The following GNB1L variants were observed in gnomAD, a reference collection of about 807,000 sequenced individuals.
GNB1L encodes G protein subunit beta 1 like, also known as guanine nucleotide-binding protein subunit beta-like protein 1.
A neutral mutation model predicts 29.1 loss-of-function variants in GNB1L; 20 were observed. The observed-to-expected ratio is 0.69, with a 90% CI of 0.48 to 1.00. GNB1L has a LOEUF of 1.00. Ranked by LOEUF, GNB1L falls within the 50% of genes least tolerant of loss-of-function variation. The pLI is 0.00. For synonymous variants in GNB1L, 193 were observed against 206.5 expected (o/e 0.93, Z 0.56); for missense variants, 421 against 464.9 (o/e 0.91, Z 0.87).
At chr22:19,842,422 T>G (rs537755596) in intron 2 of GNB1L, among the ~76,000 whole-genome samples, 49 of 152,336 alleles carry the variant, frequency 3.2e-4, no homozygotes, top group African/African-American at 1.2e-3. Flanking sequence ...CCAACAACCC[T>G]TCTCAGTCAC....
chr22:19,823,813 A>G (rs1289004033), intron 2 of GNB1L, among the ~76,000 whole-genome samples: 1 of 152,068 alleles, frequency 6.6e-6, no homozygotes, highest in Non-Finnish European at 1.5e-5. Flanking sequence ...ACACACACAC[A>G]TGCACACACA....
At chr22:19,813,268 T>C (rs1344505792) in intron 4 of GNB1L, among the ~76,000 whole-genome samples, 1 of 152,152 alleles carries the variant, frequency 6.6e-6, no homozygotes, top group East Asian at 1.9e-4. Flanking sequence ...TCTTGGTTTC[T>C]TATGCTGTTC....
rs200365592 is a variant in GNB1L, at chr22:19,851,763, C to T, written c.-21+2680G>A. The T allele has an allele frequency of 4.1e-5, 66 of 1,611,178 alleles. No individual in the cohort carries two copies. In the East Asian group the frequency reaches 1.2e-3, roughly 28 times the overall value. ...AGATCCTGGCAGAAGAGCTCGTAAT[C>T]GTCAGGCAGGGGCAGGTCCCCATCA... On this transcript the variant is annotated intron_variant, in intron 2 of 7. Coordinates refer to ENST00000329517, the MANE Select transcript of GNB1L (RefSeq NM_053004.3).
intron 7 of GNB1L, among the ~76,000 whole-genome samples, chr22:19,799,504 C>T (rs895342413): frequency 5.9e-5 from 9 of 152,158 alleles, no homozygotes; most frequent in Admixed American, 3.9e-4. Flanking sequence ...GCTCTCGTAG[C>T]GCATGACCTC....
intron 6 of GNB1L, among the ~76,000 whole-genome samples, chr22:19,803,506 C>T (rs966301265): frequency 3.2e-4 from 48 of 152,180 alleles, no homozygotes; most frequent in African/African-American, 1.0e-3. Context: ...GTCCTGGCCA[C>T]GCTCCTGCGT....
chr22:19,826,893 G>A (rs9618705), intron 2 of GNB1L, among the ~76,000 whole-genome samples: 76,029 of 151,970 alleles, frequency 0.5, 19,879 homozygotes, highest in African/African-American at 0.66. Flanking sequence ...TCCAGGTTAC[G>A]AGACACTGGG....
At chr22:19,791,354 C>T (rs1937251381) in intron 7 of GNB1L, among the ~76,000 whole-genome samples, 1 of 152,228 alleles carries the variant, frequency 6.6e-6, no homozygotes, top group South Asian at 2.1e-4. Flanking sequence ...AGTCTTCTTG[C>T]TGTAAACAAC....
At position 19,801,992 on chromosome 22, in the gene GNB1L, C is replaced by A; in HGVS notation, c.732+9G>T. On this transcript the variant is annotated intron_variant, in intron 7 of 7. Transcript: ENST00000329517. Reference sequence around the variant, plus strand: ...AGGATAAATGAGACCCGGGGCCTGGCGCACTGACCTGCAGGGCCTGCTGCC... The same window carrying A: ...AGGATAAATGAGACCCGGGGCCTGGAGCACTGACCTGCAGGGCCTGCTGCC... 6.4e-7 allele frequency: 1 copy of A among 1,566,484 alleles called. No homozygotes were observed. Among genetic ancestry groups the A allele is most frequent in the Non-Finnish European group, 8.7e-7 (1 of 1,155,688 alleles).
chr22:19,850,782 G>T lies in GNB1L; in HGVS notation c.-21+3661C>A, dbSNP rs963693200. ...GGGCAGACGTGGCAGACCCAGTTCA[G>T]TCCCAGCCAGTGTGGAAGACACCAA... is the stretch of plus-strand genomic sequence containing the variant. On this transcript the variant is annotated intron_variant, in intron 2 of 7. Transcript: ENST00000329517. 12 of 1,273,952 alleles carry T rather than the reference G, an allele frequency of 9.4e-6. No individual in the cohort carries two copies. In the African/African-American group the frequency reaches 1.7e-4, roughly 18 times the overall value. 78.9% of individuals were successfully genotyped at this position (1,273,952 alleles called of 1,614,324 possible).
In GNB1L at chr22:19,820,578, C is replaced by T; in HGVS notation, c.254+20G>A. On this transcript the variant is annotated intron_variant, in intron 4 of 7. Coordinates refer to ENST00000329517, the MANE Select transcript of GNB1L (RefSeq NM_053004.3). ...ACTCCCCCGAAGGCCATACCTGGCT[C>T]CTGCACCTTGGAGACCCACCTGAGG... 1 of 1,607,768 alleles carries T rather than the reference C, an allele frequency of 6.2e-7. No homozygotes were observed. The highest frequency in any genetic ancestry group is 8.5e-7 in the Non-Finnish European group (1 of 1,176,918).
In GNB1L at chr22:19,815,911, C is replaced by T. The variant is rs77925973; in HGVS notation, c.255-3464G>A. Reference sequence around the variant, plus strand: ...TTGAATCAGTTTTGAACTCACAGGACAGTTGTGAGAACGGCACGAAGACCC... The same window carrying T: ...TTGAATCAGTTTTGAACTCACAGGATAGTTGTGAGAACGGCACGAAGACCC... On this transcript the variant is annotated intron_variant, in intron 4 of 7. Transcript: ENST00000329517. 2.3e-3 allele frequency among the ~76,000 whole-genome samples: 352 copies of T among 152,314 alleles called. 1 individual carries two copies. Among genetic ancestry groups the T allele is most frequent in the African/African-American group, 7.2e-3 (299 of 41,568 alleles).
At chr22:19,832,808 C>T (rs530961723) in intron 2 of GNB1L, among the ~76,000 whole-genome samples, 5 of 152,164 alleles carry the variant, frequency 3.3e-5, no homozygotes, top group Admixed American at 1.3e-4. Context: ...TGAATAAATA[C>T]ACAGAAGCCT....
Position 19,785,402 on chromosome 22 carries a change from C to CT in GNB1L, c.*3306dup. ...CCAGCCTGGGGGACAGAGTGAGACT[C>CT]TGACTCAAAAAAAAAAACACCCCAA... On this transcript the variant is annotated 3_prime_UTR_variant, in exon 8 of 8. Coordinates refer to ENST00000329517, the MANE Select transcript of GNB1L (RefSeq NM_053004.3). The surrounding 1 kb of genome is among the most constrained non-coding windows in gnomAD (Gnocchi z 4.1). 1 of 151,328 alleles carries CT rather than the reference C, an allele frequency of 6.6e-6. No individual in the cohort carries two copies. Among genetic ancestry groups the CT allele is most frequent in the Non-Finnish European group, 1.5e-5 (1 of 67,850 alleles). 9.4% of individuals were successfully genotyped at this position (151,328 alleles called of 1,614,324 possible). A position where few individuals can be genotyped will look rare whatever the true frequency, so the allele number is the denominator to read the frequency against.
At chr22:19,849,341 A>G in intron 2 of GNB1L, 3 of 958,774 alleles carry the variant, frequency 3.1e-6, no homozygotes, top group Non-Finnish European at 3.7e-6. Flanking sequence ...AACAATTTAT[A>G]TTTTTCTAAA....
rs775148749 is a variant in GNB1L, at chr22:19,802,220, C to T, written c.517-4G>A. 6.8e-6 allele frequency: 11 copies of T among 1,611,142 alleles called. No homozygotes were observed. The highest frequency in any genetic ancestry group is 5.3e-5 in the African/African-American group (4 of 74,916). On this transcript the variant is annotated splice_region_variant and splice_polypyrimidine_tract_variant and intron_variant, in intron 6 of 7. Transcript: ENST00000329517. ...GTGGGCGGGAGCTGCAGTCGGCCTGCGGGGAACAGCAGAGCAGTCAGCTCC... is the reference window on the plus strand; with the variant it reads ...GTGGGCGGGAGCTGCAGTCGGCCTGTGGGGAACAGCAGAGCAGTCAGCTCC...
chr22:19,834,644 GTTAA>G (rs891162180), intron 2 of GNB1L, among the ~76,000 whole-genome samples: 11 of 148,516 alleles, frequency 7.4e-5, no homozygotes, highest in African/African-American at 1.9e-4. Context: ...ACTGTGAAGG[GTTAA>G]TTAAGTATGT....
intron 5 of GNB1L, among the ~76,000 whole-genome samples, chr22:19,807,976 GGCGCCCACCTCCAGTA>G (rs1937455403): frequency 4.6e-5 from 7 of 152,230 alleles, no homozygotes; most frequent in Admixed American, 6.5e-5. Flanking sequence ...GACCTGCTGA[GGCGCCCACCTCCAGTA>G]CGCGGACCAG....
At chr22:19,820,434 A>G (rs1395230662) in intron 4 of GNB1L, among the ~76,000 whole-genome samples, 164 bp downstream of exon 4, 1 of 152,136 alleles carries the variant, frequency 6.6e-6, no homozygotes, top group African/African-American at 2.4e-5. Flanking sequence ...TCCCTGTGAC[A>G]AGGGGCTGGA....
intron 6 of GNB1L, among the ~76,000 whole-genome samples, 159 bp from the exon 7 acceptor site, chr22:19,802,375 G>T (rs1404718892): frequency 6.6e-6 from 1 of 152,222 alleles, no homozygotes; most frequent in African/African-American, 2.4e-5. Context: ...TGCACCGCCA[G>T]TGCCCTCCCA....
Sources: allele counts gnomAD v4.1 joint callset (sites outside exome capture counted in the v4.1 genomes callset), GRCh38; gene constraint gnomAD v4.1.1; non-coding constraint Gnocchi (gnomAD v3.1); transcripts MANE v1.5; gene names NCBI Gene and HGNC (gene_info 2026-07-23, HGNC 2026-07-21).